The following MBNL2 variants were observed in gnomAD, a reference collection of about 807,000 sequenced individuals.
The protein encoded by MBNL2 is muscleblind-like protein 2.
Under a neutral mutation model 41.9 loss-of-function variants are expected in MBNL2, and 17 were observed. The ratio of observed to expected loss-of-function variants is 0.41; its 90% confidence interval spans 0.28 to 0.61. MBNL2 has a LOEUF of 0.61. MBNL2 is among the 20% of genes least tolerant of loss of function. MBNL2 has a pLI of 0.35. For missense variants in MBNL2, 336 were observed against 505.6 expected (o/e 0.66, Z 3.22); for synonymous variants, 195 against 182.9 (o/e 1.07, Z -0.53).
intron 8 of MBNL2, among the ~76,000 whole-genome samples, chr13:97,385,594 T>G (rs2065862126): frequency 6.6e-6 from 1 of 152,212 alleles, no homozygotes; most frequent in African/African-American, 2.4e-5. Context: ...AGCTATCATT[T>G]TAAAAAATAA....
intron 8 of MBNL2, among the ~76,000 whole-genome samples, chr13:97,367,539 G>A (rs1261013874): frequency 6.6e-5 from 10 of 152,186 alleles, no homozygotes; most frequent in Admixed American, 3.9e-4. Flanking sequence ...GTCCCAACCC[G>A]CATTCTGCAG....
intron 1 of MBNL2, among the ~76,000 whole-genome samples, chr13:97,246,958 C>G (rs1296592724): frequency 6.6e-6 from 1 of 152,128 alleles, no homozygotes; most frequent in African/African-American, 2.4e-5. Flanking sequence ...TAAAGGTAAT[C>G]TTGGGAAGAA....
At chr13:97,164,640 AGTG>A in the MBNL2 span, among the ~76,000 whole-genome samples, 2 of 152,022 alleles carry the variant, frequency 1.3e-5, no homozygotes, top group Non-Finnish European at 2.9e-5. Context: ...TTTTTGGTAA[AGTG>A]GTATATTAAT....
At chr13:97,355,382 G>A (rs892533762) in intron 5 of MBNL2, among the ~76,000 whole-genome samples, 1 of 151,810 alleles carries the variant, frequency 6.6e-6, no homozygotes, top group African/African-American at 2.4e-5. Context: ...TATTTATCCA[G>A]GAAAATGTCA....
chr13:97,299,227 G>C (rs1488289355), intron 2 of MBNL2, among the ~76,000 whole-genome samples: 1 of 151,794 alleles, frequency 6.6e-6, no homozygotes, highest in Non-Finnish European at 1.5e-5. Context: ...TTTCTTCTCT[G>C]TTTTTCCTAT....
At chr13:97,166,544 T>C in the MBNL2 span, among the ~76,000 whole-genome samples, 1 of 152,118 alleles carries the variant, frequency 6.6e-6, no homozygotes, top group African/African-American at 2.4e-5. Context: ...GTGGGCACCA[T>C]CTAATCAGCT....
At chr13:97,265,357 T>C (rs1342277560) in intron 1 of MBNL2, among the ~76,000 whole-genome samples, 3 of 152,226 alleles carry the variant, frequency 2.0e-5, no homozygotes, top group Non-Finnish European at 2.9e-5. Context: ...GGTAACCCTA[T>C]GTTTTATTTC....
chr13:97,174,607 A>G, the MBNL2 span, among the ~76,000 whole-genome samples: 2 of 152,216 alleles, frequency 1.3e-5, no homozygotes, highest in Admixed American at 1.3e-4. Context: ...CCCAAGACAA[A>G]CTGAGGGATC....
chr13:97,171,408 G>T, the MBNL2 span, among the ~76,000 whole-genome samples: 2 of 151,626 alleles, frequency 1.3e-5, no homozygotes, highest in South Asian at 4.2e-4. Flanking sequence ...ATATTATATT[G>T]GTTTCTCAGC....
chr13:97,279,158 TAA>T (rs753426248), intron 2 of MBNL2, among the ~76,000 whole-genome samples: 16 of 152,182 alleles, frequency 1.1e-4, no homozygotes, highest in Non-Finnish European at 2.1e-4. Flanking sequence ...TAATAGATTT[TAA>T]AAAGACAATG....
chr13:97,282,442 A>G (rs2053620734), intron 2 of MBNL2, among the ~76,000 whole-genome samples: 1 of 152,226 alleles, frequency 6.6e-6, no homozygotes, highest in South Asian at 2.1e-4. Flanking sequence ...TCAATCTTTA[A>G]AAGACAGAGA....
rs74653994 is a variant in MBNL2, at chr13:97,241,517, C to T, written c.-605+18986C>T. On this transcript the variant is annotated intron_variant, in intron 1 of 8. Coordinates refer to ENST00000679496, the MANE Select transcript of MBNL2 (RefSeq NM_001382683.1). ...TCCAAATCAAAGTATATCTACAGAT[C>T]TTCAAATCCATTGTGAATCATTTTC... 6.0e-3 allele frequency among the ~76,000 whole-genome samples: 915 copies of T among 152,310 alleles called. 4 individuals carry two copies. The highest frequency in any genetic ancestry group is 8.4e-3 in the Non-Finnish European group (574 of 68,034).
chr13:97,321,147 A>G (rs1245845862), intron 2 of MBNL2, among the ~76,000 whole-genome samples: 2 of 152,158 alleles, frequency 1.3e-5, no homozygotes, highest in Non-Finnish European at 2.9e-5. Context: ...GGGAGACACA[A>G]TTCAACATGG....
chr13:97,290,332 C>A (rs1051884849), intron 2 of MBNL2, among the ~76,000 whole-genome samples: 2 of 152,126 alleles, frequency 1.3e-5, no homozygotes, highest in Non-Finnish European at 2.9e-5. Flanking sequence ...AATTTCTTGA[C>A]CTCGTGGGAT....
At chr13:97,261,963 T>A (rs768405084) in intron 1 of MBNL2, among the ~76,000 whole-genome samples, 1 of 152,134 alleles carries the variant, frequency 6.6e-6, no homozygotes, top group Non-Finnish European at 1.5e-5. Flanking sequence ...TACCTTGCCA[T>A]CTCCCCAAGC....
At chr13:97,147,271 C>G in the MBNL2 span, among the ~76,000 whole-genome samples, 16,501 of 152,130 alleles carry the variant, frequency 0.11, 1,067 homozygotes, top group East Asian at 0.22. Flanking sequence ...AATGTTTTTT[C>G]TCTGTCGATT....
chr13:97,289,508 C>G (rs1199627087), intron 2 of MBNL2, among the ~76,000 whole-genome samples: 1 of 151,974 alleles, frequency 6.6e-6, no homozygotes, highest in Non-Finnish European at 1.5e-5. Flanking sequence ...CTGGAAAATA[C>G]CAGGAAAACA....
At chr13:97,364,232 C>A (rs2063665679) in intron 7 of MBNL2, among the ~76,000 whole-genome samples, 1 of 152,136 alleles carries the variant, frequency 6.6e-6, no homozygotes, top group Non-Finnish European at 1.5e-5. Flanking sequence ...CCCCTCCCAC[C>A]TCCTACCTCC....
At chr13:97,253,997 C>T (rs939223968) in intron 1 of MBNL2, among the ~76,000 whole-genome samples, 1 of 152,150 alleles carries the variant, frequency 6.6e-6, no homozygotes, top group African/African-American at 2.4e-5. Flanking sequence ...TCAAGCGATT[C>T]TCCTGCCTCA....
Sources: gnomAD v4.1 joint callset for allele counts (sites outside exome capture counted in the v4.1 genomes callset) on GRCh38, gnomAD v4.1.1 for gene constraint, MANE v1.5 for transcripts, NCBI Gene and HGNC (gene_info 2026-07-23, HGNC 2026-07-21) for gene names.